Variants in ULK4 observed in about 807,000 individuals in gnomAD.
ULK4 encodes inactive serine/threonine-protein kinase ULK4.
ULK4 carries 133 observed loss-of-function variants against 160.6 expected under a neutral mutation model. The observed-to-expected ratio is 0.83, with a 90% CI of 0.72 to 0.96. The LOEUF (loss-of-function observed/expected upper bound fraction) is 0.96. Among genes scored for constraint, ULK4 ranks in the 40% least tolerant of loss-of-function variants. The pLI is 0.00. For missense variants in ULK4, 1,580 were observed against 1,499.5 expected, an observed-to-expected ratio of 1.05 and a Z score of -0.89; for synonymous variants, 534 against 539.8, an observed-to-expected ratio of 0.99 and a Z score of 0.15.
chr3:41,897,067 A>G (rs974068831), intron 14 of ULK4, 64 bp from the exon 15 acceptor site: 12 of 1,415,856 alleles, frequency 8.5e-6, no homozygotes, highest in South Asian at 2.6e-5. Flanking sequence ...GAAACATTAC[A>G]TAAGAAATAA....
chr3:41,780,441 AG>A (rs539953998), intron 21 of ULK4, among the ~76,000 whole-genome samples: 40 of 152,236 alleles, frequency 2.6e-4, no homozygotes, highest in African/African-American at 8.7e-4. Flanking sequence ...CACCCACCAA[AG>A]GTCTTTTTAG....
chr3:41,368,782 C>A (rs1016457963), intron 35 of ULK4, among the ~76,000 whole-genome samples: 31 of 152,140 alleles, frequency 2.0e-4, no homozygotes, highest in Non-Finnish European at 3.7e-4. Context: ...TTTATTCCTT[C>A]ATCAATTGAA....
At chr3:41,374,195 T>A (rs1213844036) in intron 35 of ULK4, among the ~76,000 whole-genome samples, 1 of 152,172 alleles carries the variant, frequency 6.6e-6, no homozygotes, top group Non-Finnish European at 1.5e-5. Flanking sequence ...TACAGCTGAA[T>A]TCTACCAGAG....
chr3:41,470,249 C>A (rs1478128134), intron 32 of ULK4, among the ~76,000 whole-genome samples: 3 of 152,002 alleles, frequency 2.0e-5, no homozygotes. Flanking sequence ...CACATTACAT[C>A]CAAGGGAGTC....
rs147986097 is a variant in ULK4, at chr3:41,879,630, G to A, written c.1656+4244C>T. Among the ~76,000 whole-genome samples the A allele has an allele frequency of 3.1e-3, 471 of 152,122 alleles. 1 individual carries two copies. The highest frequency in any genetic ancestry group is 0.011 in the African/African-American group (447 of 41,494). The stretch of plus-strand genomic sequence containing the variant: ...CTCCTGAGTAGCTGGGACCACAGAC[G>A]TGCACCACCACACCAAACTCTATTT... On this transcript the variant is annotated intron_variant, in intron 17 of 36. Transcript: ENST00000301831.
intron 18 of ULK4, among the ~76,000 whole-genome samples, chr3:41,820,161 T>A (rs904519444): frequency 4.6e-5 from 7 of 152,054 alleles, no homozygotes; most frequent in African/African-American, 1.7e-4. Flanking sequence ...GCAGAAAAAA[T>A]TAGGTTCTAC....
At chr3:41,959,747 G>A (rs563421386) in intron 1 of ULK4, among the ~76,000 whole-genome samples, 1 of 151,742 alleles carries the variant, frequency 6.6e-6, no homozygotes, top group South Asian at 2.1e-4. Flanking sequence ...ACCAGCCTGG[G>A]CAACATGGTG....
chr3:41,819,825 G>A (rs546447645), intron 18 of ULK4, among the ~76,000 whole-genome samples: 2 of 152,250 alleles, frequency 1.3e-5, no homozygotes, highest in East Asian at 1.9e-4. Flanking sequence ...AATGATAATT[G>A]TAGATGATAA....
chr3:41,928,823 G>A (rs1332572520), intron 5 of ULK4, among the ~76,000 whole-genome samples: 1 of 152,060 alleles, frequency 6.6e-6, no homozygotes, highest in Non-Finnish European at 1.5e-5. Flanking sequence ...CCAGTAACAA[G>A]TTCTGAAATT....
intron 35 of ULK4, among the ~76,000 whole-genome samples, chr3:41,360,693 A>G (rs1312241722): frequency 6.6e-6 from 1 of 152,148 alleles, no homozygotes; most frequent in African/African-American, 2.4e-5. Flanking sequence ...CGTGTTTTCA[A>G]TTATAAGTGG....
intron 32 of ULK4, among the ~76,000 whole-genome samples, chr3:41,559,508 C>G (rs369905319): frequency 7.5e-6 from 1 of 132,904 alleles, no homozygotes; most frequent in African/African-American, 2.5e-5. Flanking sequence ...TAAAGGTGTT[C>G]CTATTTCTCC....
intron 29 of ULK4, among the ~76,000 whole-genome samples, chr3:41,664,359 C>T (rs994277308): frequency 2.0e-5 from 3 of 152,074 alleles, no homozygotes; most frequent in Admixed American, 6.6e-5. Flanking sequence ...AGGGTGCACG[C>T]GGAGGACTAG....
rs775216952 is a variant in ULK4, at chr3:41,819,470, C to G, written c.1801G>C (p.Val601Leu). The G allele has an allele frequency of 1.9e-5, 31 of 1,613,478 alleles. No homozygotes were observed. Among genetic ancestry groups the G allele is most frequent in the Non-Finnish European group, 2.5e-5 (30 of 1,179,882 alleles). ...KKKNPRECWA[V>L]PLAAYTVLMR... is the part of the protein sequence containing the mutation. The stretch of plus-strand genomic sequence containing the variant: ...AGCACTGTGTATGCAGCCAAGGGAA[C>G]AGCCCAGCACTCTCTAGGGTTCTTT... Residue 601 changes from valine to leucine, a missense_variant, in exon 19 of 37, where the codon GTT (valine) becomes CTT (leucine). Val to Leu is a conservative substitution (Grantham distance 32). Transcript: ENST00000301831.
intron 22 of ULK4, among the ~76,000 whole-genome samples, chr3:41,751,661 C>T (rs1200956175): frequency 1.3e-5 from 2 of 152,164 alleles, no homozygotes; most frequent in Non-Finnish European, 2.9e-5. Flanking sequence ...TGTGTCATAC[C>T]CAATCTCTGA....
At chr3:41,952,097 A>G (rs1380739220) in intron 2 of ULK4, among the ~76,000 whole-genome samples, 1 of 152,238 alleles carries the variant, frequency 6.6e-6, no homozygotes, top group African/African-American at 2.4e-5. Context: ...CATAACTATC[A>G]GAAGAACAAA....
intron 35 of ULK4, among the ~76,000 whole-genome samples, chr3:41,390,522 C>T (rs1029737607): frequency 6.6e-6 from 1 of 152,110 alleles, no homozygotes; most frequent in Non-Finnish European, 1.5e-5. Flanking sequence ...AAATTTCCCT[C>T]TACACACTGC....
intron 35 of ULK4, among the ~76,000 whole-genome samples, chr3:41,339,631 T>C (rs1165782765): frequency 6.6e-6 from 1 of 152,120 alleles, no homozygotes; most frequent in African/African-American, 2.4e-5. Context: ...GAGGGCCAGG[T>C]GGAATGGGGC....
chr3:41,897,288 A>C (rs776178429), intron 14 of ULK4, among the ~76,000 whole-genome samples: 5 of 152,178 alleles, frequency 3.3e-5, no homozygotes, highest in Non-Finnish European at 5.9e-5. Flanking sequence ...ACTATAACAA[A>C]ATGCAAAGTT....
At chr3:41,774,450 C>T (rs1397158927) in intron 21 of ULK4, among the ~76,000 whole-genome samples, 2 of 150,530 alleles carry the variant, frequency 1.3e-5, no homozygotes, top group African/African-American at 5.0e-5. Flanking sequence ...GACATTTATG[C>T]AGCCAAAAAA....
Sources: allele counts gnomAD v4.1 joint callset (sites outside exome capture counted in the v4.1 genomes callset), GRCh38; gene constraint gnomAD v4.1.1; transcripts MANE v1.5; gene names NCBI Gene and HGNC (gene_info 2026-07-23, HGNC 2026-07-21).